RBPMS2: variants seen among roughly 807,000 people sequenced by gnomAD.
RBPMS2 encodes RNA binding protein, mRNA processing factor 2, also known as RNA-binding protein with multiple splicing 2.
In RBPMS2, 14 loss-of-function variants were observed where a neutral mutation model predicts 25.7. That is an observed-to-expected ratio of 0.55 (90% CI 0.36 to 0.85). The LOEUF (loss-of-function observed/expected upper bound fraction) is 0.85, where lower values mean the gene tolerates loss of function less well. Among genes scored for constraint, RBPMS2 ranks in the 40% least tolerant of loss-of-function variants. The pLI, the probability that RBPMS2 is intolerant of heterozygous loss-of-function variation, is 0.01. For missense variants in RBPMS2, 252 were observed against 283.4 expected (o/e 0.89, Z 0.80); for synonymous variants, 127 against 115.6 (o/e 1.10, Z -0.63).
At chr15:64,765,682 A>C (rs924874063) in intron 1 of RBPMS2, among the ~76,000 whole-genome samples, 1 of 152,154 alleles carries the variant, frequency 6.6e-6, no homozygotes, top group African/African-American at 2.4e-5. Flanking sequence ...ACGGTGGCTC[A>C]CACCTGTAAT....
At chr15:64,766,792 G>A (rs950190770) in intron 1 of RBPMS2, among the ~76,000 whole-genome samples, 1 of 152,006 alleles carries the variant, frequency 6.6e-6, no homozygotes, top group Admixed American at 6.6e-5. Context: ...GCCTCCCAAA[G>A]TGCTGGGATT....
At chr15:64,769,047 G>A (rs1431355581) in intron 1 of RBPMS2, among the ~76,000 whole-genome samples, 1 of 131,914 alleles carries the variant, frequency 7.6e-6, no homozygotes, top group Non-Finnish European at 1.5e-5. Context: ...CTTGCAGTGA[G>A]CAGAGATCGT....
intron 1 of RBPMS2, among the ~76,000 whole-genome samples, chr15:64,767,489 G>C (rs1246368099): frequency 6.6e-6 from 1 of 152,196 alleles, no homozygotes; most frequent in African/African-American, 2.4e-5. Context: ...ACTCAGGGCA[G>C]GCAGGACTCA....
At chr15:64,748,020 G>C (rs2083634922) in intron 6 of RBPMS2, among the ~76,000 whole-genome samples, 1 of 151,728 alleles carries the variant, frequency 6.6e-6, no homozygotes, top group Admixed American at 6.6e-5. Flanking sequence ...AAAAATCGAG[G>C]CACAGCAATC....
chr15:64,741,002 T>G lies in RBPMS2; in HGVS notation c.*8-2A>C, dbSNP rs755505335. ...GAACCACCTCCCCGGTGACCAGACCTGGAGGGAGGGAGAGAGGCGGCCGTG... is the reference window on the plus strand; with the variant it reads ...GAACCACCTCCCCGGTGACCAGACCGGGAGGGAGGGAGAGAGGCGGCCGTG... On this transcript the variant is annotated splice_acceptor_variant, in intron 7 of 7. Transcript: ENST00000300069. LOFTEE classifies it low-confidence loss of function (3UTR_SPLICE). 27 of 563,560 alleles carry G rather than the reference T, an allele frequency of 4.8e-5. No homozygotes were observed. The highest frequency in any genetic ancestry group is 6.4e-5 in the Non-Finnish European group (20 of 314,510). The allele number at this position is 563,560 out of a possible 1,614,324, so 34.9% of individuals were successfully genotyped here.
intron 3 of RBPMS2, 81 bp from the exon 4 acceptor site, chr15:64,749,574 A>G (rs1213989059): frequency 2.4e-6 from 3 of 1,264,250 alleles, no homozygotes; most frequent in Non-Finnish European, 3.4e-6. Context: ...AAAAAAGAGT[A>G]TCATCTATGT....
intron 1 of RBPMS2, 21 bp from the exon 2 acceptor site, chr15:64,751,659 T>C (rs367878973): frequency 2.5e-5 from 40 of 1,609,282 alleles, no homozygotes; most frequent in Non-Finnish European, 3.1e-5. Context: ...AGACCAGTGA[T>C]CAGGGCCAGG....
Position 64,750,364 on chromosome 15 carries a change from C to A in RBPMS2, c.183G>T (p.Leu61=). 1 of 1,614,012 alleles carries A rather than the reference C, an allele frequency of 6.2e-7. No homozygotes were observed. The highest frequency in any genetic ancestry group is 8.5e-7 in the Non-Finnish European group (1 of 1,179,868). ...FRPFKGYEGS[L]IKLTARQPVG... ...TTACCTGTCTTGCAGTGAGCTTGAT[C>A]AGGGACCCTTCATACCCCTGCGGAG... The change falls in exon 3 of 8, where the codon CTG becomes CTT. Residue 61 remains leucine (L), a synonymous_variant. Transcript: ENST00000300069.
chr15:64,748,296 A>G, intron 6 of RBPMS2, 123 bp downstream of exon 6: 1 of 1,096,352 alleles, frequency 9.1e-7, no homozygotes, highest in Non-Finnish European at 1.3e-6. Context: ...CTTTCAAACC[A>G]TCAAGGAAGA....
In RBPMS2 at chr15:64,757,890, C is replaced by T. The variant is rs1293325139; in HGVS notation, c.88-6252G>A. ...ACTCGGGAGGCTGAGGTGGGAGCAT[C>T]GCTTGAGCCCAGGAATTCAAGGCTG... On this transcript the variant is annotated intron_variant, in intron 1 of 7. Transcript: ENST00000300069. Among the ~76,000 whole-genome samples, 55 of 152,244 alleles carry T rather than the reference C, an allele frequency of 3.6e-4. 1 individual carries two copies. Among genetic ancestry groups the T allele is most frequent in the Non-Finnish European group, 6.0e-4 (41 of 68,022 alleles).
intron 4 of RBPMS2, 59 bp from the exon 5 acceptor site, chr15:64,749,209 G>A (rs2083650773): frequency 3.1e-6 from 5 of 1,587,812 alleles, no homozygotes; most frequent in Non-Finnish European, 4.3e-6. Context: ...AGTGTTAATG[G>A]CAGAGAGTAG....
chr15:64,755,263 G>T lies in RBPMS2; in HGVS notation c.88-3625C>A, dbSNP rs114470312. Among the ~76,000 whole-genome samples the T allele has an allele frequency of 5.8e-4, 88 of 152,088 alleles. 1 individual carries two copies. The highest frequency in any genetic ancestry group is 2.0e-3 in the African/African-American group (84 of 41,478). ...TTTCAGGTTCTATAGAGTCCAAAAGGCTACCCCACAGCTCCCATCCTGTCC... is the reference window on the plus strand; with the variant it reads ...TTTCAGGTTCTATAGAGTCCAAAAGTCTACCCCACAGCTCCCATCCTGTCC... On this transcript the variant is annotated intron_variant, in intron 1 of 7. Transcript: ENST00000300069.
chr15:64,763,044 C>T (rs533190424), intron 1 of RBPMS2, among the ~76,000 whole-genome samples: 5 of 134,078 alleles, frequency 3.7e-5, no homozygotes, highest in South Asian at 5.0e-4. Flanking sequence ...TGGTCTTGGT[C>T]GCCGTAGTGG....
At chr15:64,756,017 C>G (rs577594514) in intron 1 of RBPMS2, among the ~76,000 whole-genome samples, 3 of 152,156 alleles carry the variant, frequency 2.0e-5, no homozygotes, top group African/African-American at 4.8e-5. Context: ...CTTATAGTTC[C>G]CAGCAGTCTG....
At chr15:64,756,723 C>T (rs1032485115) in intron 1 of RBPMS2, among the ~76,000 whole-genome samples, 1 of 150,528 alleles carries the variant, frequency 6.6e-6, no homozygotes, top group African/African-American at 2.4e-5. Flanking sequence ...CTCACTGCAA[C>T]CCTGTCCTCT....
At chr15:64,774,813 C>T (rs983772263) in intron 1 of RBPMS2, among the ~76,000 whole-genome samples, 11 of 151,314 alleles carry the variant, frequency 7.3e-5, no homozygotes, top group Non-Finnish European at 1.5e-4. Flanking sequence ...CGCCCTCGGG[C>T]CGTGCTAATC....
intron 1 of RBPMS2, among the ~76,000 whole-genome samples, chr15:64,757,632 C>A (rs2083745351): frequency 6.6e-6 from 1 of 152,110 alleles, no homozygotes; most frequent in South Asian, 2.1e-4. Flanking sequence ...ATGGCACAGC[C>A]AGGATCTTTC....
chr15:64,766,317 C>G (rs1422435413), intron 1 of RBPMS2, among the ~76,000 whole-genome samples: 1 of 152,264 alleles, frequency 6.6e-6, no homozygotes, highest in East Asian at 1.9e-4. Flanking sequence ...GCTGATACAG[C>G]CACCAGTGCA....
intron 1 of RBPMS2, among the ~76,000 whole-genome samples, chr15:64,752,133 C>T (rs550900910): frequency 2.9e-4 from 44 of 151,944 alleles, no homozygotes; most frequent in African/African-American, 1.0e-3. Context: ...CCATGCTAAT[C>T]GGTATGCCTT....
Sources: allele counts gnomAD v4.1 joint callset (sites outside exome capture counted in the v4.1 genomes callset), GRCh38; gene constraint gnomAD v4.1.1; transcripts MANE v1.5; gene names NCBI Gene and HGNC (gene_info 2026-07-23, HGNC 2026-07-21).